Variants in DRD3 observed in about 807,000 individuals in gnomAD.
The protein encoded by DRD3 is dopamine receptor D3.
In DRD3, 19 loss-of-function variants were observed where a neutral mutation model predicts 36.3. The observed-to-expected ratio is 0.52, with a 90% CI of 0.36 to 0.77. DRD3 has a LOEUF of 0.77. DRD3 is among the 30% of genes least tolerant of loss of function. The pLI is 0.00. For missense variants in DRD3, 465 were observed against 505.3 expected (o/e 0.92, Z 0.77); for synonymous variants, 195 against 203.7 (o/e 0.96, Z 0.36).
At chr3:114,191,383 C>T in intron 1 of DRD3, among the ~76,000 whole-genome samples, 1 of 152,156 alleles carries the variant, frequency 6.6e-6, no homozygotes, top group Non-Finnish European at 1.5e-5. Context: ...AGAGTATTCC[C>T]AGCTGTGCAG....
At chr3:114,198,103 T>C (rs935744444) in intron 1 of DRD3, among the ~76,000 whole-genome samples, 6 of 152,186 alleles carry the variant, frequency 3.9e-5, no homozygotes, top group African/African-American at 1.4e-4. Flanking sequence ...TAGGTCTCAG[T>C]TTTTCTCAGC....
At chr3:114,171,209 A>T (rs1487460673) in intron 2 of DRD3, among the ~76,000 whole-genome samples, 1 of 152,216 alleles carries the variant, frequency 6.6e-6, no homozygotes, top group Non-Finnish European at 1.5e-5. Context: ...AGGAAAGAGC[A>T]AAGAGGGACT....
chr3:114,139,992 G>A (rs527669165), intron 4 of DRD3, among the ~76,000 whole-genome samples: 1 of 152,332 alleles, frequency 6.6e-6, no homozygotes, highest in East Asian at 1.9e-4. Flanking sequence ...AAACAGTCTA[G>A]ATAGACAGAT....
At chr3:114,166,379 C>A (rs571493259) in intron 2 of DRD3, among the ~76,000 whole-genome samples, 8 of 152,200 alleles carry the variant, frequency 5.3e-5, no homozygotes, top group Non-Finnish European at 1.2e-4. Context: ...ATCCCCAGTG[C>A]AACAGTGTTG....
intron 1 of DRD3, among the ~76,000 whole-genome samples, chr3:114,195,526 A>C (rs1480742900): frequency 6.6e-6 from 1 of 152,234 alleles, no homozygotes; most frequent in Non-Finnish European, 1.5e-5. Context: ...AAAGCAACTA[A>C]GTTCCATAGT....
chr3:114,161,362 G>A (rs1270053195), intron 2 of DRD3, among the ~76,000 whole-genome samples: 1 of 152,078 alleles, frequency 6.6e-6, no homozygotes, highest in African/African-American at 2.4e-5. Context: ...CTCATCCAAG[G>A]ATCTTCTTAT....
chr3:114,139,667 G>T lies in DRD3; in HGVS notation c.556C>A (p.Pro186Thr). 1.2e-6 allele frequency: 2 copies of T among 1,614,110 alleles called. No individual in the cohort carries two copies. Among genetic ancestry groups the T allele is most frequent in the South Asian group, 1.1e-5 (1 of 91,062 alleles). ...GDPTVCSISNPDFVIYSSVVS... is the reference protein window; with the variant it reads ...GDPTVCSISNTDFVIYSSVVS... ...ACTGAAGAGTAGATGACAAAATCAG[G>T]GTTGGAGATGGAGCAGACAGTGGGG... Residue 186 changes from proline to threonine, a missense_variant, in exon 5 of 7, where the codon CCT becomes ACT. By Grantham distance (38) the Pro-to-Thr change is conservative. Transcript: ENST00000383673.
At chr3:114,192,372 T>C (rs1306485784) in intron 1 of DRD3, among the ~76,000 whole-genome samples, 1 of 152,228 alleles carries the variant, frequency 6.6e-6, no homozygotes, top group Non-Finnish European at 1.5e-5. Context: ...GTTGGTTTCC[T>C]GGGTAGCTTG....
chr3:114,143,686 C>A (rs1440956042), intron 4 of DRD3, among the ~76,000 whole-genome samples: 2 of 152,184 alleles, frequency 1.3e-5, no homozygotes. Flanking sequence ...TAAGCTCCCC[C>A]TCCCCCAACC....
Position 114,149,726 on chromosome 3 carries a change from C to T in DRD3, c.384-2169G>A, listed in dbSNP as rs191772726. ...ATCCTTTTGGCCTTGAAGGAGCAAA[C>T]TGCTATGTTTTGGAGAGGGTCATTT... is the stretch of plus-strand genomic sequence containing the variant. On this transcript the variant is annotated intron_variant, in intron 3 of 6. Coordinates refer to ENST00000383673, the MANE Select transcript of DRD3 (RefSeq NM_000796.6). 1.5e-4 allele frequency among the ~76,000 whole-genome samples: 23 copies of T among 152,340 alleles called. 1 individual carries two copies. Among genetic ancestry groups the T allele is most frequent in the Non-Finnish European group, 1.8e-4 (12 of 68,036 alleles).
At chr3:114,147,620 C>T (rs761102321) in intron 3 of DRD3, 63 bp from the exon 4 acceptor site, 42 of 1,567,548 alleles carry the variant, frequency 2.7e-5, no homozygotes, top group East Asian at 9.1e-5. Flanking sequence ...TTTCTTTCTG[C>T]GTTGTTGTTG....
At chr3:114,179,713 T>C (rs571085641), upstream of DRD3, among the ~76,000 whole-genome samples, 1 of 152,264 alleles carries the variant, frequency 6.6e-6, no homozygotes, top group South Asian at 2.1e-4. Flanking sequence ...GTCAGTGTGG[T>C]AATTCTTCGG....
chr3:114,139,020 T>C (rs888721046), intron 5 of DRD3, among the ~76,000 whole-genome samples: 2 of 152,190 alleles, frequency 1.3e-5, no homozygotes, highest in East Asian at 3.9e-4. Context: ...AATAAAATGC[T>C]TTATCAGCAC....
chr3:114,148,318 C>T (rs562288430), intron 3 of DRD3, among the ~76,000 whole-genome samples: 2 of 152,234 alleles, frequency 1.3e-5, no homozygotes, highest in Admixed American at 1.3e-4. Flanking sequence ...TATTTACCTC[C>T]TGCTTGTATC....
rs1190662197 is a variant in DRD3, at chr3:114,128,794, A to G, written c.1125T>C (p.Asn375=). 6.2e-7 allele frequency: 1 copy of G among 1,613,992 alleles called. No homozygotes were observed. The highest frequency in any genetic ancestry group is 1.1e-5 in the South Asian group (1 of 91,062). ...YSATTWLGYV[N]SALNPVIYTT... is the part of the protein sequence containing the mutation. ...TATAGATCACAGGGTTGAGGGCGCT[A>G]TTCACGTAGCCCAGCCATGTCGTGG... The change falls in exon 7 of 7, where the codon AAT becomes AAC. Residue 375 remains asparagine, a synonymous_variant. Coordinates refer to ENST00000383673, the MANE Select transcript of DRD3 (RefSeq NM_000796.6).
At chr3:114,167,036 A>G (rs1464983941) in intron 2 of DRD3, among the ~76,000 whole-genome samples, 1 of 152,154 alleles carries the variant, frequency 6.6e-6, no homozygotes, top group Non-Finnish European at 1.5e-5. Context: ...ATTTTTAATA[A>G]TCGATATCAT....
intron 1 of DRD3, among the ~76,000 whole-genome samples, chr3:114,174,627 C>T (rs533624853): frequency 4.5e-4 from 69 of 152,270 alleles, no homozygotes; most frequent in African/African-American, 1.6e-3. Context: ...GTGGGTTAAA[C>T]CGTGATTGTT....
chr3:114,189,365 T>G (rs2077991684), intron 1 of DRD3, among the ~76,000 whole-genome samples: 1 of 152,246 alleles, frequency 6.6e-6, no homozygotes, highest in Non-Finnish European at 1.5e-5. Context: ...GTTTTGTCTA[T>G]ATCCTTGCTA....
At position 114,173,350 on chromosome 3, in the gene DRD3, A is replaced by G. The variant is rs561010679; in HGVS notation, c.-35-1323T>C. On this transcript the variant is annotated intron_variant, in intron 1 of 6. Transcript: ENST00000383673. Reference sequence around the variant, plus strand: ...TCTACTGGTTATGCCTCTAACCTCTATAGAATGATGTTGTAACCTCCCACA... The same window carrying G: ...TCTACTGGTTATGCCTCTAACCTCTGTAGAATGATGTTGTAACCTCCCACA... 1.4e-4 allele frequency among the ~76,000 whole-genome samples: 21 copies of G among 152,292 alleles called. No individual in the cohort carries two copies. The South Asian group carries it at 1.9e-3, about 14-fold the overall frequency.
Sources: allele counts gnomAD v4.1 joint callset (sites outside exome capture counted in the v4.1 genomes callset), GRCh38; gene constraint gnomAD v4.1.1; transcripts MANE v1.5; gene names NCBI Gene and HGNC (gene_info 2026-07-23, HGNC 2026-07-21).